The following MYT1L variants were observed in gnomAD, a reference collection of about 807,000 sequenced individuals.
The protein encoded by MYT1L is myelin transcription factor 1-like protein.
A neutral mutation model predicts 126.7 loss-of-function variants in MYT1L; 12 were observed. That is an observed-to-expected ratio of 0.09 (90% CI 0.06 to 0.15). The LOEUF (loss-of-function observed/expected upper bound fraction) is 0.15, where lower values mean the gene tolerates loss of function less well. Ranked by LOEUF, MYT1L falls within the 10% of genes least tolerant of loss-of-function variation. The pLI, the probability that MYT1L is intolerant of heterozygous loss-of-function variation, is 1.00. For missense variants in MYT1L, 979 were observed against 1,585.2 expected, an observed-to-expected ratio of 0.62 and a Z score of 6.49; for synonymous variants, 541 against 604.2, an observed-to-expected ratio of 0.90 and a Z score of 1.53.
At chr2:2,244,646 A>G (rs895834761) in intron 2 of MYT1L, among the ~76,000 whole-genome samples, 8 of 152,246 alleles carry the variant, frequency 5.3e-5, no homozygotes, top group African/African-American at 1.7e-4. Flanking sequence ...CTCAAACTGC[A>G]GGCTCCAGGA....
chr2:1,933,827 G>A (rs1410514245), intron 9 of MYT1L, among the ~76,000 whole-genome samples: 4 of 152,258 alleles, frequency 2.6e-5, no homozygotes, highest in Admixed American at 6.5e-5. Flanking sequence ...TTGGTGTGGC[G>A]AGGAAGTGAA....
chr2:1,933,528 A>C (rs1218484301), intron 9 of MYT1L, among the ~76,000 whole-genome samples: 1 of 152,224 alleles, frequency 6.6e-6, no homozygotes, highest in African/African-American at 2.4e-5. Context: ...AGAAAGAGGA[A>C]CCCAGTGGCT....
intron 3 of MYT1L, among the ~76,000 whole-genome samples, chr2:2,070,733 T>C (rs1046810346): frequency 6.6e-6 from 1 of 152,190 alleles, no homozygotes; most frequent in Non-Finnish European, 1.5e-5. Context: ...TAAAAAATCA[T>C]TGATGTAAAT....
chr2:2,118,801 A>G (rs1169413999), intron 3 of MYT1L, among the ~76,000 whole-genome samples: 1 of 152,252 alleles, frequency 6.6e-6, no homozygotes, highest in African/African-American at 2.4e-5. Flanking sequence ...CTCCCAGACT[A>G]AACTACCACA....
intron 9 of MYT1L, among the ~76,000 whole-genome samples, chr2:1,925,297 C>T (rs1055736668): frequency 3.9e-5 from 6 of 152,196 alleles, no homozygotes; most frequent in Admixed American, 3.9e-4. Flanking sequence ...AAAAGCCTGT[C>T]TAATCCTCCT....
chr2:1,896,782 T>TAAATAAAAG (rs1469690934), intron 14 of MYT1L, among the ~76,000 whole-genome samples: 1 of 152,214 alleles, frequency 6.6e-6, no homozygotes, highest in Non-Finnish European at 1.5e-5. Flanking sequence ...AGGTACCCTC[T>TAAATAAAAG]GTATCTAAAA....
intron 2 of MYT1L, among the ~76,000 whole-genome samples, chr2:2,239,982 C>A (rs182945296): frequency 1.7e-3 from 261 of 152,246 alleles, no homozygotes; most frequent in African/African-American, 6.0e-3. Flanking sequence ...CTCTATTTCT[C>A]CTTGTCTCTT....
At chr2:2,329,611 A>G (rs2096272800) in intron 1 of MYT1L, among the ~76,000 whole-genome samples, 1 of 152,222 alleles carries the variant, frequency 6.6e-6, no homozygotes, top group African/African-American at 2.4e-5. Flanking sequence ...ATAAAGAAAT[A>G]TGGCTGATTA....
chr2:2,062,982 G>C (rs1216687076), intron 3 of MYT1L, among the ~76,000 whole-genome samples: 1 of 152,028 alleles, frequency 6.6e-6, no homozygotes, highest in Admixed American at 6.6e-5. Flanking sequence ...TCTCTTTCTG[G>C]AACTTACACG....
chr2:1,859,248 G>C (rs919233737), intron 18 of MYT1L, among the ~76,000 whole-genome samples: 1 of 152,206 alleles, frequency 6.6e-6, no homozygotes, highest in Non-Finnish European at 1.5e-5. Flanking sequence ...CATTTAGGTG[G>C]AATGCTTGCT....
intron 4 of MYT1L, among the ~76,000 whole-genome samples, chr2:2,021,635 C>T (rs953088031): frequency 9.2e-5 from 14 of 152,196 alleles, no homozygotes; most frequent in Non-Finnish European, 1.9e-4. Flanking sequence ...CGGTGGCCCA[C>T]GCCTAAAATC....
chr2:2,159,056 T>C (rs953484041), intron 3 of MYT1L, among the ~76,000 whole-genome samples: 3 of 152,184 alleles, frequency 2.0e-5, no homozygotes, highest in Non-Finnish European at 4.4e-5. Context: ...ATGACAAGTT[T>C]CCACCTGCCC....
intron 3 of MYT1L, among the ~76,000 whole-genome samples, chr2:2,108,078 T>A (rs2078967229): frequency 6.6e-6 from 1 of 152,198 alleles, no homozygotes; most frequent in Non-Finnish European, 1.5e-5. Context: ...CCTTGGTTTG[T>A]CTTTCCAGAC....
rs189811507 is a variant in MYT1L at position 2,175,080 on chromosome 2, C to G, written c.-420-2092G>C. ...TTGTATGTTGAGTGTGAATTCGTAG[C>G]TTTGAGTCTTGGCTCAGTGGTTTCG... On this transcript the variant is annotated intron_variant, in intron 2 of 24. Coordinates refer to ENST00000647738, the MANE Select transcript of MYT1L (RefSeq NM_001303052.2). 1.4e-4 allele frequency among the ~76,000 whole-genome samples: 21 copies of G among 152,132 alleles called. No individual in the cohort carries two copies. The East Asian group carries it at 3.1e-3, about 22-fold the overall frequency.
Position 1,889,239 on chromosome 2 carries a change from A to G in MYT1L, c.2520+2T>C, listed in dbSNP as rs1208958806. 1 of 1,612,294 alleles carries G rather than the reference A, an allele frequency of 6.2e-7. No individual in the cohort carries two copies. The highest frequency in any genetic ancestry group is 1.1e-5 in the South Asian group (1 of 90,944). ...AACACAGGCTCAATGAAAAGGACATACAGTAATGTCTTTGGACTCGTCCTC... is the reference window on the plus strand; with the variant it reads ...AACACAGGCTCAATGAAAAGGACATGCAGTAATGTCTTTGGACTCGTCCTC... On this transcript the variant is annotated splice_donor_variant, in intron 16 of 24. Coordinates refer to ENST00000647738, the MANE Select transcript of MYT1L (RefSeq NM_001303052.2). LOFTEE classifies it high-confidence loss of function. This position sits in a 1 kb window ranked among gnomAD's most constrained non-coding sequence, Gnocchi z 4.1.
intron 18 of MYT1L, chr2:1,886,336 A>G (rs2048168131): frequency 2.4e-6 from 1 of 417,818 alleles, no homozygotes; most frequent in Non-Finnish European, 4.2e-6. Flanking sequence ...AGCTGGAGGT[A>G]TGTCAGGGGA....
intron 19 of MYT1L, among the ~76,000 whole-genome samples, chr2:1,849,699 G>C (rs2042967119): frequency 6.6e-6 from 1 of 152,252 alleles, no homozygotes; most frequent in Non-Finnish European, 1.5e-5. Flanking sequence ...TGGGTGAAGA[G>C]CTTGCAACGT....
At position 2,266,284 on chromosome 2, in the gene MYT1L, T is replaced by C. The variant is rs181935432; in HGVS notation, c.-421+18120A>G. On this transcript the variant is annotated intron_variant, in intron 2 of 24. Coordinates refer to ENST00000647738, the MANE Select transcript of MYT1L (RefSeq NM_001303052.2). The stretch of plus-strand genomic sequence containing the variant: ...CACTGCCCCTGCCTTTCCCAAAATA[T>C]GACATTGCTCCCCTTGGGAATACTC... Among the ~76,000 whole-genome samples the C allele has an allele frequency of 2.5e-3, 386 of 152,310 alleles. 1 individual carries two copies. The highest frequency in any genetic ancestry group is 9.0e-3 in the African/African-American group (375 of 41,580).
intron 22 of MYT1L, among the ~76,000 whole-genome samples, chr2:1,803,853 C>T (rs1271420399): frequency 6.6e-6 from 1 of 152,118 alleles, no homozygotes; most frequent in Non-Finnish European, 1.5e-5. Flanking sequence ...TTCTGTAGGA[C>T]GAGGGTATGT....
Sources: gnomAD v4.1 joint callset for allele counts (sites outside exome capture counted in the v4.1 genomes callset) on GRCh38, gnomAD v4.1.1 for gene constraint, Gnocchi (gnomAD v3.1) non-coding constraint, MANE v1.5 for transcripts, NCBI Gene and HGNC (gene_info 2026-07-23, HGNC 2026-07-21) for gene names.